Variants in WWOX observed in about 807,000 individuals in gnomAD.
WWOX encodes WW domain containing oxidoreductase, also known as WW domain-containing oxidoreductase.
A neutral mutation model predicts 46.2 loss-of-function variants in WWOX; 69 were observed. That is an observed-to-expected ratio of 1.49 (90% CI 1.23 to 1.82). The LOEUF (loss-of-function observed/expected upper bound fraction) is 1.82. WWOX is among the 40% of genes most tolerant of loss of function. The pLI, the probability that WWOX is intolerant of heterozygous loss-of-function variation, is 0.00. For synonymous variants in WWOX, 359 were observed against 202.6 expected (o/e 1.77, Z -6.56); for missense variants, 919 against 542.6 (o/e 1.69, Z -6.89).
intron 8 of WWOX, among the ~76,000 whole-genome samples, chr16:78,815,467 A>C (rs1442687345): frequency 6.6e-6 from 1 of 152,148 alleles, no homozygotes; most frequent in Non-Finnish European, 1.5e-5. Context: ...CAGTGCCTTT[A>C]CTAAACACTT....
intron 8 of WWOX, among the ~76,000 whole-genome samples, chr16:78,561,469 C>CT (rs1222213239): frequency 1.4e-4 from 22 of 152,160 alleles, no homozygotes; most frequent in Admixed American, 2.0e-4. Flanking sequence ...TGGCAAAATC[C>CT]CTTCATGACA....
chr16:78,709,911 G>C (rs1023346947), intron 8 of WWOX, among the ~76,000 whole-genome samples: 2 of 151,824 alleles, frequency 1.3e-5, no homozygotes, highest in South Asian at 2.1e-4. Context: ...TTGTATTTTT[G>C]GTAGAGATGG....
At chr16:78,170,918 G>A (rs2035135985) in intron 5 of WWOX, among the ~76,000 whole-genome samples, 1 of 152,218 alleles carries the variant, frequency 6.6e-6, no homozygotes, top group African/African-American at 2.4e-5. Flanking sequence ...TCAGTTGATT[G>A]CAACCACACG....
At chr16:79,098,436 G>A (rs2049120774) in intron 8 of WWOX, among the ~76,000 whole-genome samples, 1 of 152,148 alleles carries the variant, frequency 6.6e-6, no homozygotes, top group South Asian at 2.1e-4. Flanking sequence ...GGGTCACCAT[G>A]GGCAAAGGAG....
rs1035487912 is a variant in WWOX, at chr16:78,829,706, G to C, written c.1057-381902G>C. On this transcript the variant is annotated intron_variant, in intron 8 of 8. Coordinates refer to ENST00000566780, the MANE Select transcript of WWOX (RefSeq NM_016373.4). ...TCATTCAGTTCCCCTAACAGGTCTAGGAGTCATTATCTTCCCCAACCTAAG... is the reference window on the plus strand; with the variant it reads ...TCATTCAGTTCCCCTAACAGGTCTACGAGTCATTATCTTCCCCAACCTAAG... 2.0e-5 allele frequency among the ~76,000 whole-genome samples: 3 copies of C among 152,242 alleles called. No homozygotes were observed. In the East Asian group the frequency reaches 5.8e-4, roughly 29 times the overall value.
chr16:78,996,173 C>T lies in WWOX; in HGVS notation c.1057-215435C>T, dbSNP rs559495724. 4.2e-5 allele frequency: 41 copies of T among 973,144 alleles called. No homozygotes were observed. In the Admixed American group the frequency reaches 1.7e-3, roughly 39 times the overall value. The allele number at this position is 973,144 out of a possible 1,614,324, so 60.3% of individuals were successfully genotyped here. The stretch of plus-strand genomic sequence containing the variant: ...TTAATTTTTTTTTTAACGAAACTCA[C>T]ATCTTCTTTAAATAAAATCTCCATT... On this transcript the variant is annotated intron_variant, in intron 8 of 8. Transcript: ENST00000566780.
intron 8 of WWOX, among the ~76,000 whole-genome samples, chr16:78,521,492 C>A (rs925776194): frequency 2.0e-5 from 3 of 152,194 alleles, no homozygotes; most frequent in Admixed American, 1.3e-4. Context: ...CCAGTACCTG[C>A]CACCTGTGTG....
chr16:78,445,881 G>T (rs376544319), intron 8 of WWOX, among the ~76,000 whole-genome samples: 3 of 149,220 alleles, frequency 2.0e-5, no homozygotes, highest in Admixed American at 6.6e-5. Flanking sequence ...CTGTCTTGGG[G>T]CGGGGGGCAG....
chr16:79,027,275 A>C (rs1266052875), intron 8 of WWOX, among the ~76,000 whole-genome samples: 1 of 68,588 alleles, frequency 1.5e-5, no homozygotes, highest in Non-Finnish European at 2.9e-5. Flanking sequence ...GAAAGACTCC[A>C]TCTCAAAAAA....
intron 5 of WWOX, among the ~76,000 whole-genome samples, chr16:78,248,903 C>T (rs1019784594): frequency 7.1e-6 from 1 of 141,376 alleles, no homozygotes; most frequent in African/African-American, 2.6e-5. Context: ...AGTCTTGCTC[C>T]ATCACCAGGC....
intron 8 of WWOX, among the ~76,000 whole-genome samples, chr16:78,441,389 A>C (rs1332316194): frequency 6.6e-6 from 1 of 152,210 alleles, no homozygotes. Context: ...TGTACTTCTT[A>C]TCATTTATCC....
intron 8 of WWOX, among the ~76,000 whole-genome samples, chr16:79,133,238 C>T (rs994870045): frequency 1.3e-5 from 2 of 152,170 alleles, no homozygotes; most frequent in African/African-American, 4.8e-5. Flanking sequence ...TTCATGGTTC[C>T]TCCTGCCCTT....
At chr16:79,005,449 T>G (rs1044140410) in intron 8 of WWOX, among the ~76,000 whole-genome samples, 1 of 152,202 alleles carries the variant, frequency 6.6e-6, no homozygotes. Context: ...GAACTGTATT[T>G]TCCCACAGTT....
chr16:78,689,123 C>T (rs539209313), intron 8 of WWOX, among the ~76,000 whole-genome samples: 1 of 152,134 alleles, frequency 6.6e-6, no homozygotes, highest in Non-Finnish European at 1.5e-5. Context: ...GTCAGGGATG[C>T]TGCAGAACAT....
intron 8 of WWOX, among the ~76,000 whole-genome samples, chr16:79,073,706 C>G (rs908211221): frequency 6.6e-6 from 1 of 151,996 alleles, no homozygotes; most frequent in African/African-American, 2.4e-5. Context: ...TAGAGTGATC[C>G]TTTGATGAAG....
At chr16:78,904,860 T>A (rs961749417) in intron 8 of WWOX, among the ~76,000 whole-genome samples, 2 of 152,298 alleles carry the variant, frequency 1.3e-5, no homozygotes, top group African/African-American at 4.8e-5. Context: ...AAATAACCAT[T>A]TTTTCTCCTT....
At chr16:78,230,300 C>G (rs2151806919) in intron 5 of WWOX, among the ~76,000 whole-genome samples, 1 of 152,236 alleles carries the variant, frequency 6.6e-6, no homozygotes, top group South Asian at 2.1e-4. Flanking sequence ...GTTTGTGATG[C>G]TCTAATGAAC....
chr16:78,878,068 G>A (rs1417237145), intron 8 of WWOX, among the ~76,000 whole-genome samples: 1 of 152,162 alleles, frequency 6.6e-6, no homozygotes, highest in Admixed American at 6.5e-5. Flanking sequence ...AGCATTCCCT[G>A]TAGTTTTTAG....
chr16:78,241,408 C>T (rs1199240387), intron 5 of WWOX, among the ~76,000 whole-genome samples: 1 of 151,856 alleles, frequency 6.6e-6, no homozygotes, highest in Non-Finnish European at 1.5e-5. Context: ...ATTGTGGTTG[C>T]TGTTGCTATT....
Sources: allele counts gnomAD v4.1 joint callset (sites outside exome capture counted in the v4.1 genomes callset), GRCh38; gene constraint gnomAD v4.1.1; transcripts MANE v1.5; gene names NCBI Gene and HGNC (gene_info 2026-07-23, HGNC 2026-07-21).